The following C12orf42 variants were observed in gnomAD, a reference collection of about 807,000 sequenced individuals.
The protein encoded by C12orf42 is chromosome 12 open reading frame 42.
A neutral mutation model predicts 21.6 loss-of-function variants in C12orf42; 25 were observed. The ratio of observed to expected loss-of-function variants is 1.16; its 90% CI spans 0.84 to 1.62. The LOEUF is 1.62. Ranked by LOEUF, C12orf42 falls within the 40% of genes most tolerant of loss-of-function variation. The pLI, the probability that C12orf42 is intolerant of heterozygous loss-of-function variation, is 0.00. For missense variants in C12orf42, 483 were observed against 459.3 expected (o/e 1.05, Z -0.47); for synonymous variants, 174 against 175.0 (o/e 0.99, Z 0.05).
At chr12:103,274,259 T>C (rs1357365194) in intron 5 of C12orf42, among the ~76,000 whole-genome samples, 4 of 152,156 alleles carry the variant, frequency 2.6e-5, no homozygotes, top group Non-Finnish European at 5.9e-5. Context: ...AGACAGTTTA[T>C]CTGTGATGCC....
the C12orf42 span, among the ~76,000 whole-genome samples, chr12:103,202,736 G>A: frequency 3.9e-5 from 6 of 152,164 alleles, no homozygotes; most frequent in African/African-American, 1.4e-4. Context: ...TTTGTCTCAA[G>A]CTAAGTGACT....
chr12:103,538,249 CT>C, the C12orf42 span, among the ~76,000 whole-genome samples: 3 of 152,246 alleles, frequency 2.0e-5, no homozygotes, highest in African/African-American at 7.2e-5. Context: ...ATCTAAGCTG[CT>C]AGCTGGGAAG....
the C12orf42 span, chr12:103,505,349 G>A: frequency 3.5e-6 from 1 of 281,806 alleles, no homozygotes; most frequent in Non-Finnish European, 6.8e-6. Context: ...GGACATTGGA[G>A]CAGAATAAGG....
the C12orf42 span, among the ~76,000 whole-genome samples, chr12:103,183,011 T>C: frequency 0.022 from 3,360 of 152,316 alleles, 46 homozygotes; most frequent in Non-Finnish European, 0.036. Flanking sequence ...TTTATAATAA[T>C]CACTGTACTC....
chr12:103,109,218 T>A, the C12orf42 span, among the ~76,000 whole-genome samples: 1 of 152,196 alleles, frequency 6.6e-6, no homozygotes, highest in African/African-American at 2.4e-5. Flanking sequence ...TAATAAAATC[T>A]GGATGATATT....
chr12:103,386,619 A>G (rs1203153012), intron 3 of C12orf42, among the ~76,000 whole-genome samples: 3 of 152,222 alleles, frequency 2.0e-5, no homozygotes, highest in Non-Finnish European at 4.4e-5. Context: ...CACAAAAAAG[A>G]TTATGCTACA....
At chr12:103,192,588 T>C in the C12orf42 span, among the ~76,000 whole-genome samples, 1 of 150,492 alleles carries the variant, frequency 6.6e-6, no homozygotes, top group Non-Finnish European at 1.5e-5. Context: ...AAAGAGAGAA[T>C]AGGTGCTATA....
the C12orf42 span, among the ~76,000 whole-genome samples, chr12:103,099,924 G>T: frequency 6.6e-6 from 1 of 152,090 alleles, no homozygotes; most frequent in Non-Finnish European, 1.5e-5. Context: ...GCTGACTCTT[G>T]GTGCCAAATG....
intron 3 of C12orf42, among the ~76,000 whole-genome samples, chr12:103,391,331 T>C (rs1403392583): frequency 6.6e-6 from 1 of 152,228 alleles, no homozygotes; most frequent in Non-Finnish European, 1.5e-5. Context: ...TGTTTCACTT[T>C]CTGAGGAAAC....
At chr12:103,211,037 CTTT>C in the C12orf42 span, among the ~76,000 whole-genome samples, 1 of 152,092 alleles carries the variant, frequency 6.6e-6, no homozygotes, top group African/African-American at 2.4e-5. Context: ...ATTGATTGTT[CTTT>C]AGTCTCAGCA....
At chr12:103,162,675 T>A in the C12orf42 span, 1 of 152,144 alleles carries the variant, frequency 6.6e-6, no homozygotes, top group African/African-American at 2.4e-5. Flanking sequence ...CCTGGCATCT[T>A]ACAAGATTCT....
chr12:103,067,792 C>A, the C12orf42 span, among the ~76,000 whole-genome samples: 1 of 152,180 alleles, frequency 6.6e-6, no homozygotes, highest in Non-Finnish European at 1.5e-5. Context: ...ACACTTTGGG[C>A]TCTCCCTACC....
intron 1 of C12orf42, among the ~76,000 whole-genome samples, chr12:103,487,072 T>C (rs1322671967): frequency 1.3e-5 from 2 of 152,230 alleles, no homozygotes; most frequent in Non-Finnish European, 2.9e-5. Context: ...AGATCTTTCC[T>C]GCTTTTCTTG....
At chr12:103,144,587 C>T in the C12orf42 span, among the ~76,000 whole-genome samples, 9 of 152,208 alleles carry the variant, frequency 5.9e-5, no homozygotes, top group African/African-American at 1.9e-4. Flanking sequence ...AGTAAGAAAA[C>T]TCTTCCAAAA....
intron 5 of C12orf42, among the ~76,000 whole-genome samples, chr12:103,276,788 C>CTAT (rs1318965025): frequency 6.6e-6 from 1 of 152,136 alleles, no homozygotes; most frequent in Non-Finnish European, 1.5e-5. Flanking sequence ...GTTATTCAGT[C>CTAT]TATTTGTGCA....
the C12orf42 span, among the ~76,000 whole-genome samples, chr12:103,153,655 G>GCCGC: frequency 1.3e-5 from 2 of 152,024 alleles, no homozygotes; most frequent in Non-Finnish European, 2.9e-5. Flanking sequence ...AAAAAAGACA[G>GCCGC]ACCAGTATCT....
chr12:103,479,375 GAAAAGAAGACT>G (rs941104271), intron 1 of C12orf42, among the ~76,000 whole-genome samples: 2 of 151,974 alleles, frequency 1.3e-5, no homozygotes, highest in Non-Finnish European at 2.9e-5. Flanking sequence ...GGTTGAAAAA[GAAAAGAAGACT>G]AGGTGTGGAG....
intron 1 of C12orf42, among the ~76,000 whole-genome samples, chr12:103,493,170 T>A (rs1000564402): frequency 6.6e-6 from 1 of 152,146 alleles, no homozygotes; most frequent in Non-Finnish European, 1.5e-5. Flanking sequence ...GTCACATAGA[T>A]CCCTCAAAAT....
intron 2 of C12orf42, among the ~76,000 whole-genome samples, chr12:103,404,667 C>T (rs1252272653): frequency 6.6e-6 from 1 of 152,018 alleles, no homozygotes; most frequent in Non-Finnish European, 1.5e-5. Flanking sequence ...TCTTTCTTTC[C>T]AAATGAAAGA....
Sources: allele counts gnomAD v4.1 joint callset (sites outside exome capture counted in the v4.1 genomes callset), GRCh38; gene constraint gnomAD v4.1.1; transcripts MANE v1.5; gene names NCBI Gene and HGNC (gene_info 2026-07-23, HGNC 2026-07-21).